Variants in PRELID2 observed in about 807,000 individuals in gnomAD.
PRELID2 encodes the protein PRELI domain containing 2, also known as PRELI domain-containing protein 2.
Under a neutral mutation model 28.4 loss-of-function variants are expected in PRELID2, and 25 were observed. The observed-to-expected ratio is 0.88, with a 90% CI of 0.64 to 1.23. The LOEUF is 1.23. PRELID2 is among the 50% of genes most tolerant of loss of function. The pLI, the probability that PRELID2 is intolerant of heterozygous loss-of-function variation, is 0.00. For missense variants in PRELID2, 201 were observed against 214.4 expected (o/e 0.94, Z 0.39); for synonymous variants, 76 against 71.6 (o/e 1.06, Z -0.31).
the PRELID2 span, among the ~76,000 whole-genome samples, chr5:145,464,818 A>G: frequency 6.6e-6 from 1 of 152,182 alleles, no homozygotes; most frequent in Non-Finnish European, 1.5e-5. Context: ...GAAGAGGTAC[A>G]GAAGGTATGG....
the PRELID2 span, among the ~76,000 whole-genome samples, chr5:145,404,721 C>CTA: frequency 6.6e-5 from 10 of 152,148 alleles, no homozygotes; most frequent in African/African-American, 9.7e-5. Context: ...TAGAAGGTGT[C>CTA]TATAATCTGG....
chr5:145,799,935 A>G (rs1383719218), intron 4 of PRELID2, among the ~76,000 whole-genome samples: 1 of 152,190 alleles, frequency 6.6e-6, no homozygotes, highest in Non-Finnish European at 1.5e-5. Context: ...CTTACACTGA[A>G]TGAGTTCAAT....
intron 1 of PRELID2, among the ~76,000 whole-genome samples, chr5:145,561,244 T>C (rs1349218416): frequency 6.6e-6 from 1 of 152,200 alleles, no homozygotes; most frequent in East Asian, 1.9e-4. Flanking sequence ...TGCAAATACA[T>C]ATTAACTTCC....
chr5:145,402,596 T>C, the PRELID2 span, among the ~76,000 whole-genome samples: 1 of 152,192 alleles, frequency 6.6e-6, no homozygotes, highest in African/African-American at 2.4e-5. Context: ...GTGTGTGACC[T>C]TGAAAAAATG....
chr5:145,517,893 A>G (rs1752530084), intron 1 of PRELID2, among the ~76,000 whole-genome samples: 1 of 152,138 alleles, frequency 6.6e-6, no homozygotes, highest in Non-Finnish European at 1.5e-5. Flanking sequence ...ACACAGGAAC[A>G]GAAAACCAAA....
At chr5:145,439,020 G>C in the PRELID2 span, among the ~76,000 whole-genome samples, 4 of 152,196 alleles carry the variant, frequency 2.6e-5, no homozygotes, top group African/African-American at 9.6e-5. Context: ...ATCTCCCACA[G>C]CATCTAGCAT....
chr5:145,414,036 T>C, the PRELID2 span, among the ~76,000 whole-genome samples: 2 of 152,176 alleles, frequency 1.3e-5, no homozygotes, highest in Non-Finnish European at 2.9e-5. Context: ...ATATTTCTTA[T>C]TTTTAGAGGT....
intron 1 of PRELID2, among the ~76,000 whole-genome samples, chr5:145,562,527 T>C (rs143985861): frequency 6.6e-6 from 1 of 152,338 alleles, no homozygotes; most frequent in East Asian, 1.9e-4. Context: ...ACCCATTGCC[T>C]GCCTGGCTCT....
chr5:145,338,167 C>T, the PRELID2 span: 1 of 152,132 alleles, frequency 6.6e-6, no homozygotes, highest in Admixed American at 6.5e-5. Flanking sequence ...GTTTTACTCA[C>T]TGTTGATGCT....
At chr5:145,421,779 T>C in the PRELID2 span, among the ~76,000 whole-genome samples, 1 of 134,938 alleles carries the variant, frequency 7.4e-6, no homozygotes, top group Non-Finnish European at 1.6e-5. Context: ...TGCTAGCTTT[T>C]GAATGTGTTT....
chr5:145,485,942 T>C (rs1485671052), intron 1 of PRELID2, among the ~76,000 whole-genome samples: 1 of 152,208 alleles, frequency 6.6e-6, no homozygotes, highest in African/African-American at 2.4e-5. Context: ...TCTTCACCTA[T>C]AATAAGAACA....
the PRELID2 span, among the ~76,000 whole-genome samples, chr5:145,376,147 G>A: frequency 6.6e-5 from 10 of 152,128 alleles, no homozygotes; most frequent in Admixed American, 6.6e-4. Context: ...CATGTATTGT[G>A]AAATGATGTA....
At chr5:145,429,408 T>C in the PRELID2 span, among the ~76,000 whole-genome samples, 1 of 152,104 alleles carries the variant, frequency 6.6e-6, no homozygotes, top group Admixed American at 6.5e-5. Context: ...ATTGAAACTA[T>C]GGGAGGAAAC....
intron 5 of PRELID2, among the ~76,000 whole-genome samples, chr5:145,790,701 TTGTG>T (rs148531864): frequency 1.9e-5 from 2 of 104,946 alleles, no homozygotes; most frequent in Admixed American, 1.1e-4. Flanking sequence ...TAATTCCACA[TTGTG>T]TGTGTGTGTG....
chr5:145,692,591 C>T lies in PRELID2; in HGVS notation n.70+72340G>A, dbSNP rs147308728. Among the ~76,000 whole-genome samples the T allele has an allele frequency of 4.8e-4, 73 of 152,260 alleles. No homozygotes were observed. In the East Asian group the frequency reaches 0.012, roughly 25 times the overall value. ...AACAATGTTAATTTTGCACCATAAA[C>T]ACTTTTTATACTACAAAAAAAATCA... is the stretch of plus-strand genomic sequence containing the variant. On this transcript the variant is annotated intron_variant and non_coding_transcript_variant, in intron 1 of 2. Coordinates refer to the PRELID2 transcript ENST00000510259.
chr5:145,593,322 C>T (rs912250681), intron 1 of PRELID2, among the ~76,000 whole-genome samples: 1 of 152,060 alleles, frequency 6.6e-6, no homozygotes, highest in Admixed American at 6.6e-5. Context: ...GAGAAGTGGC[C>T]AAATACAAGT....
intron 1 of PRELID2, among the ~76,000 whole-genome samples, chr5:145,670,101 A>T (rs746660803): frequency 6.6e-6 from 1 of 152,158 alleles, no homozygotes; most frequent in Non-Finnish European, 1.5e-5. Context: ...GAGGGTGGGT[A>T]ATTTATAAAC....
the PRELID2 span, among the ~76,000 whole-genome samples, chr5:145,444,215 C>T: frequency 6.6e-6 from 1 of 151,976 alleles, no homozygotes; most frequent in Admixed American, 6.6e-5. Context: ...GCAGCATTTA[C>T]ATGTAATTAT....
At chr5:145,253,846 AC>A in the PRELID2 span, among the ~76,000 whole-genome samples, 9 of 144,414 alleles carry the variant, frequency 6.2e-5, no homozygotes, top group South Asian at 2.1e-4. Flanking sequence ...AACAAAAAAA[AC>A]AAAAAAAAAA....
Sources: allele counts gnomAD v4.1 joint callset (sites outside exome capture counted in the v4.1 genomes callset), GRCh38; gene constraint gnomAD v4.1.1; transcripts MANE v1.5; gene names NCBI Gene and HGNC (gene_info 2026-07-23, HGNC 2026-07-21).